DLG1: variants seen among roughly 807,000 people sequenced by gnomAD.
DLG1 encodes disks large homolog 1.
Under a neutral mutation model 123.4 loss-of-function variants are expected in DLG1, and 42 were observed. The observed-to-expected ratio is 0.34, with a 90% CI of 0.27 to 0.44. The LOEUF is 0.44. Among genes scored for constraint, DLG1 ranks in the 20% least tolerant of loss-of-function variants. DLG1 has a pLI of 1.00. For missense variants in DLG1, 942 were observed against 1,082.6 expected, an observed-to-expected ratio of 0.87 and a Z score of 1.82; for synonymous variants, 317 against 356.2, an observed-to-expected ratio of 0.89 and a Z score of 1.24.
At chr3:197,247,035 G>A (rs414615) in intron 4 of DLG1, among the ~76,000 whole-genome samples, 111,803 of 152,070 alleles carry the variant, frequency 0.74, 41,194 homozygotes, top group East Asian at 0.81. Flanking sequence ...TTGATCTGCA[G>A]TCCCATAGGG....
At chr3:197,215,794 T>C (rs1393136502) in intron 4 of DLG1, among the ~76,000 whole-genome samples, 1 of 152,162 alleles carries the variant, frequency 6.6e-6, no homozygotes, top group African/African-American at 2.4e-5. Context: ...GAATTCAGAA[T>C]TATTACTGAG....
chr3:197,051,654 C>A lies in DLG1; in HGVS notation c.2498G>T (p.Arg833Leu). Residue 833 changes from arginine (R) to leucine (L), a missense_variant, in exon 24 of 25, where the codon CGT becomes CTT. Transcript: ENST00000667157. ...TTTTCTGGCTTGTTCTTCTGTTAGACGCTTATTCATTTCCCTACGAAAATA... is the reference window on the plus strand; with the variant it reads ...TTTTCTGGCTTGTTCTTCTGTTAGAAGCTTATTCATTTCCCTACGAAAATA... ...SMENIMEMNKRLTEEQARKTF... is the reference protein window; with the variant it reads ...SMENIMEMNKLLTEEQARKTF... The A allele has an allele frequency of 6.2e-7, 1 of 1,612,740 alleles. No individual in the cohort carries two copies. Among genetic ancestry groups the A allele is most frequent in the Non-Finnish European group, 8.5e-7 (1 of 1,179,144 alleles).
intron 10 of DLG1, among the ~76,000 whole-genome samples, chr3:197,134,740 C>T (rs1784283855): frequency 6.6e-6 from 1 of 152,232 alleles, no homozygotes; most frequent in African/African-American, 2.4e-5. Context: ...CATAACATGT[C>T]ACAAACCTAT....
At chr3:197,068,923 T>C (rs1377156828) in intron 19 of DLG1, among the ~76,000 whole-genome samples, 1 of 152,124 alleles carries the variant, frequency 6.6e-6, no homozygotes, top group African/African-American at 2.4e-5. Flanking sequence ...AAGGTCAAAA[T>C]ACAAGTTTTC....
chr3:197,258,785 A>C (rs978144390), intron 4 of DLG1, among the ~76,000 whole-genome samples: 2 of 152,234 alleles, frequency 1.3e-5, no homozygotes, highest in African/African-American at 4.8e-5. Flanking sequence ...GCCATTGGTT[A>C]AATATGTTCA....
intron 14 of DLG1, among the ~76,000 whole-genome samples, chr3:197,103,971 T>C (rs192849725): frequency 6.6e-6 from 1 of 152,182 alleles, no homozygotes; most frequent in Admixed American, 6.5e-5. Flanking sequence ...TTACATATGT[T>C]TACTATGGCA....
chr3:197,072,589 T>C (rs963005527), intron 18 of DLG1, among the ~76,000 whole-genome samples: 1 of 151,934 alleles, frequency 6.6e-6, no homozygotes, highest in African/African-American at 2.4e-5. Context: ...TTATTTCTTA[T>C]TACCTGTTAA....
intron 3 of DLG1, among the ~76,000 whole-genome samples, chr3:197,287,946 T>C (rs777130166): frequency 2.0e-5 from 3 of 152,208 alleles, no homozygotes; most frequent in Non-Finnish European, 4.4e-5. Flanking sequence ...AACAATTCAT[T>C]TCTAGGAGTT....
At chr3:197,146,527 C>A (rs1790833625) in intron 6 of DLG1, among the ~76,000 whole-genome samples, 1 of 152,206 alleles carries the variant, frequency 6.6e-6, no homozygotes, top group South Asian at 2.1e-4. Flanking sequence ...TTTGACAAAG[C>A]AAACAAAAAC....
At chr3:197,159,973 A>G (rs985320265) in intron 5 of DLG1, among the ~76,000 whole-genome samples, 1 of 152,202 alleles carries the variant, frequency 6.6e-6, no homozygotes, top group Non-Finnish European at 1.5e-5. Flanking sequence ...CCTGACGTGC[A>G]TTAAGCATCC....
intron 5 of DLG1, among the ~76,000 whole-genome samples, chr3:197,150,583 T>C (rs1793376644): frequency 6.6e-6 from 1 of 152,126 alleles, no homozygotes; most frequent in Non-Finnish European, 1.5e-5. Context: ...CCAAGTCACA[T>C]AACACTTTCA....
chr3:197,136,654 C>T lies in DLG1; in HGVS notation c.908G>A (p.Gly303Asp), dbSNP rs1293689559. The change falls in exon 10 of 25, where the codon GGT becomes GAT. Residue 303 changes from glycine (G) to aspartate (D), a missense_variant. Transcript: ENST00000667157. ...CCCAGGAATATGCTGATTTCCAACA[C>T]CTCCAGCAATGCTAAACCCAAGACC... Reference protein sequence around the residue: ...PKGLGFSIAGGVGNQHIPGDN... With the variant: ...PKGLGFSIAGDVGNQHIPGDN... The T allele has an allele frequency of 6.2e-7, 1 of 1,612,664 alleles. No homozygotes were observed. The highest frequency in any genetic ancestry group is 8.5e-7 in the Non-Finnish European group (1 of 1,179,518).
chr3:197,236,411 G>A (rs903328019), intron 4 of DLG1, among the ~76,000 whole-genome samples: 7 of 152,008 alleles, frequency 4.6e-5, no homozygotes, highest in Non-Finnish European at 7.4e-5. Flanking sequence ...AAATGTTAAA[G>A]AAGTTCTTCA....
At chr3:197,084,341 T>TTGCTC (rs1752936833) in intron 16 of DLG1, among the ~76,000 whole-genome samples, 1 of 151,774 alleles carries the variant, frequency 6.6e-6, no homozygotes, top group Admixed American at 6.6e-5. Flanking sequence ...AGTCAGAGTC[T>TTGCTC]TGCTCTGTCG....
intron 5 of DLG1, among the ~76,000 whole-genome samples, chr3:197,186,814 T>C (rs1355737405): frequency 6.6e-6 from 1 of 152,112 alleles, no homozygotes; most frequent in Non-Finnish European, 1.5e-5. Flanking sequence ...CTTGGCTCAA[T>C]CCATGCTCCT....
chr3:197,137,317 C>T (rs1374352942), intron 9 of DLG1, among the ~76,000 whole-genome samples: 1 of 152,184 alleles, frequency 6.6e-6, no homozygotes, highest in Non-Finnish European at 1.5e-5. Flanking sequence ...CTTAACAGTC[C>T]TTTACTGCAG....
At chr3:197,046,455 T>C (rs915170898) in intron 24 of DLG1, among the ~76,000 whole-genome samples, 2 of 152,214 alleles carry the variant, frequency 1.3e-5, no homozygotes, top group African/African-American at 2.4e-5. Flanking sequence ...GTAAACCTCC[T>C]TGCATGATAC....
chr3:197,108,040 C>T (rs1452164814), intron 13 of DLG1, among the ~76,000 whole-genome samples: 1 of 152,074 alleles, frequency 6.6e-6, no homozygotes, highest in Non-Finnish European at 1.5e-5. Flanking sequence ...TGGTTTATGA[C>T]AATTGCTTTT....
intron 5 of DLG1, among the ~76,000 whole-genome samples, chr3:197,191,728 T>A (rs1340926245): frequency 6.6e-6 from 1 of 152,338 alleles, no homozygotes; most frequent in African/African-American, 2.4e-5. Context: ...GGTTCTTATG[T>A]TGTCTGGAGT....
Sources: gnomAD v4.1 joint callset for allele counts (sites outside exome capture counted in the v4.1 genomes callset) on GRCh38, gnomAD v4.1.1 for gene constraint, MANE v1.5 for transcripts, NCBI Gene and HGNC (gene_info 2026-07-23, HGNC 2026-07-21) for gene names.